C5: variants seen among roughly 807,000 people sequenced by gnomAD.
C5 encodes the protein complement C5.
A neutral mutation model predicts 218.8 loss-of-function variants in C5; 140 were observed. The observed-to-expected ratio is 0.64, with a 90% CI of 0.56 to 0.74. The LOEUF is 0.74. Among genes scored for constraint, C5 ranks in the 30% least tolerant of loss-of-function variants. C5 has a pLI of 0.00. For synonymous variants in C5, 614 were observed against 682.3 expected (o/e 0.90, Z 1.56); for missense variants, 1,700 against 1,969.6 (o/e 0.86, Z 2.59).
intron 14 of C5, among the ~76,000 whole-genome samples, chr9:121,017,006 T>A (rs970316649): frequency 4.6e-5 from 7 of 152,046 alleles, no homozygotes; most frequent in Non-Finnish European, 8.8e-5. Flanking sequence ...AATGAGAATT[T>A]AAAAAAAATC....
At chr9:121,008,364 A>AATGGGTAG in intron 18 of C5, 44 bp downstream of exon 18, 1 of 1,433,066 alleles carries the variant, frequency 7.0e-7, no homozygotes, top group Non-Finnish European at 9.8e-7. Flanking sequence ...TAATACTTGC[A>AATGGGTAG]TTATCCACAT....
rs777652246 is a variant in C5, at chr9:121,013,894, C to A, written c.2236G>T (p.Asp746Tyr). 1 of 1,614,088 alleles carries A rather than the reference C, an allele frequency of 6.2e-7. No individual in the cohort carries two copies. The highest frequency in any genetic ancestry group is 1.7e-5 in the Admixed American group (1 of 60,012). Residue 746 changes from aspartate (D) to tyrosine (Y), a missense_variant, in exon 17 of 41, where the codon GAC becomes TAC. Physicochemically the swap from Asp to Tyr is radical, Grantham distance 160. Transcript: ENST00000223642. Reference protein sequence around the residue: ...SQLRANISHKDMQLGRLHMKT... With the variant: ...SQLRANISHKYMQLGRLHMKT... Reference sequence around the variant, plus strand: ...TTACGTAGCCTTCCCAATTGCATGTCTTTATGAGAGATATTAGCACGGAGC... The same window carrying A: ...TTACGTAGCCTTCCCAATTGCATGTATTTATGAGAGATATTAGCACGGAGC...
At chr9:120,963,079 A>G in intron 34 of C5, 112 bp from the exon 35 acceptor site, 1 of 856,782 alleles carries the variant, frequency 1.2e-6, no homozygotes, top group Non-Finnish European at 2.0e-6. Flanking sequence ...AATTCAAAGA[A>G]ATTGAAGAGC....
intron 11 of C5, among the ~76,000 whole-genome samples, chr9:121,020,392 G>T (rs183118695): frequency 7.9e-5 from 12 of 152,312 alleles, no homozygotes; most frequent in African/African-American, 2.6e-4. Context: ...GGGATTATGG[G>T]CTATGGCGGA....
chr9:120,965,519 CAAAA>C (rs35267625), intron 33 of C5, among the ~76,000 whole-genome samples: 3 of 133,448 alleles, frequency 2.2e-5, no homozygotes, highest in Non-Finnish European at 4.8e-5. Flanking sequence ...GACTCTGCCT[CAAAA>C]ATAAATAAAT....
chr9:121,021,163 T>C (rs1274412543), intron 11 of C5, among the ~76,000 whole-genome samples: 1 of 152,198 alleles, frequency 6.6e-6, no homozygotes, highest in Non-Finnish European at 1.5e-5. Flanking sequence ...TTTGACCCTT[T>C]TGTGGCCCTT....
chr9:121,071,506 A>G, the C5 span, among the ~76,000 whole-genome samples: 1 of 152,152 alleles, frequency 6.6e-6, no homozygotes, highest in African/African-American at 2.4e-5. Context: ...GCAACACAGC[A>G]AGACCCCATC....
At chr9:120,953,970 A>T in intron 39 of C5, 102 bp from the exon 40 acceptor site, 1 of 1,206,144 alleles carries the variant, frequency 8.3e-7, no homozygotes, top group Non-Finnish European at 1.2e-6. Context: ...TGAGAGGTTC[A>T]TGGCTAGTGG....
chr9:120,980,934 G>A (rs555940950), intron 27 of C5, among the ~76,000 whole-genome samples: 8 of 152,110 alleles, frequency 5.3e-5, no homozygotes, highest in African/African-American at 1.9e-4. Context: ...CAGCGTAGTT[G>A]CAACAGGCAC....
chr9:120,982,447 A>G (rs777175989), intron 26 of C5, among the ~76,000 whole-genome samples: 4 of 152,246 alleles, frequency 2.6e-5, no homozygotes, highest in Non-Finnish European at 4.4e-5. Flanking sequence ...GGTCTAAGAT[A>G]TCACTTCTCT....
Position 120,952,371 on chromosome 9 carries a change from T to C in C5, c.*368A>G, listed in dbSNP as rs1588160783. On this transcript the variant is annotated 3_prime_UTR_variant, in exon 41 of 41. Transcript: ENST00000223642. Reference sequence around the variant, plus strand: ...ACTCAGGCTTTAATGATCAGTTTCCTGTTCCTTGGTATTTTCTTTCAAGCA... The same window carrying C: ...ACTCAGGCTTTAATGATCAGTTTCCCGTTCCTTGGTATTTTCTTTCAAGCA... The C allele has an allele frequency of 3.4e-6, 1 of 294,818 alleles. No individual in the cohort carries two copies. Among genetic ancestry groups the C allele is most frequent in the Non-Finnish European group, 6.6e-6 (1 of 151,510 alleles). 18.3% of individuals were successfully genotyped at this position (294,818 alleles called of 1,614,324 possible).
rs151322743 is a variant in C5 at position 121,043,119 on chromosome 9, C to T, written c.306G>A (p.Val102=). The T allele has an allele frequency of 1.2e-4, 197 of 1,613,312 alleles. No homozygotes were observed. The African/African-American group carries it at 2.5e-3, about 21-fold the overall frequency. The change falls in exon 3 of 41, where the codon GTG becomes GTA. Residue 102 remains valine (V), a synonymous_variant. Transcript: ENST00000223642. ...AATGCTTTGATACAACTTCCAAATA[C>T]ACATAAGAAACTGGGTTTTGTCCTC... is the stretch of plus-strand genomic sequence containing the variant. The part of the protein sequence containing the change: ...LPGGQNPVSY[V]YLEVVSKHFS...
At chr9:121,052,774 C>T (rs1457514769), upstream of C5, among the ~76,000 whole-genome samples, 1 of 152,194 alleles carries the variant, frequency 6.6e-6, no homozygotes, top group African/African-American at 2.4e-5. Flanking sequence ...CACCAAGGTG[C>T]TCCTAGCAGG....
At chr9:120,974,971 A>G in intron 29 of C5, 40 bp from the exon 30 acceptor site, 2 of 1,609,656 alleles carry the variant, frequency 1.2e-6, no homozygotes, top group South Asian at 2.2e-5. Context: ...TGTTTAGTTT[A>G]TTTATGTACT....
intron 34 of C5, among the ~76,000 whole-genome samples, chr9:120,963,261 T>C (rs7034901): frequency 0.055 from 8,326 of 152,222 alleles, 673 homozygotes; most frequent in African/African-American, 0.18. Context: ...CCCAGCAGTT[T>C]GGGAGGCCAA....
chr9:121,013,358 G>A (rs139246307), intron 17 of C5, among the ~76,000 whole-genome samples: 47 of 148,958 alleles, frequency 3.2e-4, no homozygotes, highest in African/African-American at 1.0e-3. Context: ...AGTCCTAAAA[G>A]TTCTGAAAAC....
intron 3 of C5, among the ~76,000 whole-genome samples, chr9:121,041,623 G>A (rs1433302596): frequency 6.6e-6 from 1 of 152,042 alleles, no homozygotes; most frequent in Non-Finnish European, 1.5e-5. Flanking sequence ...CTTGATAACC[G>A]AGGAAGGTCC....
upstream of C5, among the ~76,000 whole-genome samples, chr9:121,054,553 T>G (rs1286509748): frequency 6.6e-6 from 1 of 152,194 alleles, no homozygotes; most frequent in Non-Finnish European, 1.5e-5. Context: ...TGAGCCAAGA[T>G]CGTGCCATTG....
chr9:121,049,085 T>A (rs1487204536), intron 1 of C5, among the ~76,000 whole-genome samples: 1 of 152,210 alleles, frequency 6.6e-6, no homozygotes, highest in African/African-American at 2.4e-5. Flanking sequence ...GCAGTGCCTA[T>A]CATATGTTTA....
Sources: gnomAD v4.1 joint callset for allele counts (sites outside exome capture counted in the v4.1 genomes callset) on GRCh38, gnomAD v4.1.1 for gene constraint, MANE v1.5 for transcripts, NCBI Gene and HGNC (gene_info 2026-07-23, HGNC 2026-07-21) for gene names.